MCTP2: variants seen among roughly 807,000 people sequenced by gnomAD.
The protein encoded by MCTP2 is multiple C2 and transmembrane domain-containing protein 2.
A neutral mutation model predicts 111.6 loss-of-function variants in MCTP2; 132 were observed. The ratio of observed to expected loss-of-function variants is 1.18; its 90% CI spans 1.03 to 1.37. The LOEUF is 1.37. Ranked by LOEUF, MCTP2 falls within the 40% of genes most tolerant of loss-of-function variation. The pLI is 0.00. For missense variants in MCTP2, 1,183 were observed against 1,067.9 expected (o/e 1.11, Z -1.50); for synonymous variants, 395 against 387.7 (o/e 1.02, Z -0.22).
intron 12 of MCTP2, among the ~76,000 whole-genome samples, chr15:94,382,030 T>A (rs1279063013): frequency 1.3e-5 from 2 of 152,252 alleles, no homozygotes; most frequent in Non-Finnish European, 2.9e-5. Flanking sequence ...AGCTACAAAG[T>A]CAGTATTCCC....
At chr15:94,388,865 C>G (rs913015460) in intron 14 of MCTP2, among the ~76,000 whole-genome samples, 55 of 152,262 alleles carry the variant, frequency 3.6e-4, no homozygotes, top group Admixed American at 3.3e-3. Flanking sequence ...GCCTGAGCTC[C>G]TAAGAGTTTG....
chr15:94,305,677 T>C (rs1384167484), intron 2 of MCTP2, among the ~76,000 whole-genome samples: 6 of 152,188 alleles, frequency 3.9e-5, no homozygotes, highest in African/African-American at 9.7e-5. Context: ...TTGATTCATA[T>C]TATCACTGCA....
chr15:94,314,384 G>A, intron 3 of MCTP2, 40 bp downstream of exon 3: 1 of 1,368,346 alleles, frequency 7.3e-7, no homozygotes, highest in Non-Finnish European at 1.0e-6. Context: ...AAATGTTGTA[G>A]ATATTTCTCA....
intron 17 of MCTP2, among the ~76,000 whole-genome samples, chr15:94,413,007 T>C (rs2082220697): frequency 1.3e-5 from 2 of 152,172 alleles, no homozygotes; most frequent in South Asian, 4.1e-4. Context: ...ATAATCTACA[T>C]GTTTTCAAAA....
intron 20 of MCTP2, among the ~76,000 whole-genome samples, chr15:94,466,360 G>A (rs1175172812): frequency 6.6e-6 from 1 of 152,046 alleles, no homozygotes; most frequent in Non-Finnish European, 1.5e-5. Flanking sequence ...GCATTTCCTT[G>A]GAGAGGATTA....
rs769814704 is a variant in MCTP2, at chr15:94,339,362, A to G, written c.710A>G (p.Asn237Ser). The G allele has an allele frequency of 6.2e-7, 1 of 1,612,626 alleles. No homozygotes were observed. Among genetic ancestry groups the G allele is most frequent in the Non-Finnish European group, 8.5e-7 (1 of 1,179,052 alleles). The change falls in exon 5 of 23, where the codon AAC (asparagine) becomes AGC (serine). Residue 237 changes from asparagine to serine, a missense_variant. Transcript: ENST00000357742. The part of the protein sequence containing the change: ...TLYKSKVIYK[N>S]LNPVWDEIVV... ...TACAAAAGTAAAGTCATATATAAGA[A>G]CTTGAACCCAGTATGGGATGAGATA...
chr15:94,483,561 G>C lies in MCTP2; in HGVS notation c.*4527G>C, dbSNP rs945060978. On this transcript the variant is annotated 3_prime_UTR_variant, in exon 23 of 23. Coordinates refer to ENST00000357742, the MANE Select transcript of MCTP2 (RefSeq NM_001385001.1). ...AGATCATGTCCTTTTGCAGGAACTT[G>C]GATACAGCTGGAGGCCATTATCCTT... The C allele has an allele frequency of 2.0e-5, 3 of 152,154 alleles. No homozygotes were observed. The highest frequency in any genetic ancestry group is 7.2e-5 in the African/African-American group (3 of 41,430). The allele number at this position is 152,154 out of a possible 1,614,324, so 9.4% of individuals were successfully genotyped here. A position where few individuals can be genotyped will look rare whatever the true frequency, so the allele number is the denominator to read the frequency against.
At chr15:94,259,106 C>G (rs896575833) in intron 1 of MCTP2, among the ~76,000 whole-genome samples, 1 of 152,174 alleles carries the variant, frequency 6.6e-6, no homozygotes, top group Non-Finnish European at 1.5e-5. Flanking sequence ...CTGGGCCATG[C>G]TCACTCAGTT....
chr15:94,367,531 C>T (rs1486125717), intron 10 of MCTP2, 74 bp from the exon 11 acceptor site: 1 of 1,171,648 alleles, frequency 8.5e-7, no homozygotes, highest in Non-Finnish European at 1.2e-6. Flanking sequence ...AAATCAAAGC[C>T]AGGTGCTTTG....
At chr15:94,300,525 G>A (rs1377065129) in intron 2 of MCTP2, among the ~76,000 whole-genome samples, 35 of 127,786 alleles carry the variant, frequency 2.7e-4, no homozygotes, top group African/African-American at 8.2e-4. Context: ...AAAAAAAAAA[G>A]AACTTTTATT....
chr15:94,317,897 A>C (rs1014320904), intron 4 of MCTP2, among the ~76,000 whole-genome samples: 3 of 151,908 alleles, frequency 2.0e-5, no homozygotes, highest in Non-Finnish European at 2.9e-5. Flanking sequence ...AATCAAAGTC[A>C]TAATTTCTTA....
intron 17 of MCTP2, among the ~76,000 whole-genome samples, chr15:94,416,273 G>C (rs986871193): frequency 6.6e-6 from 1 of 151,636 alleles, no homozygotes; most frequent in Non-Finnish European, 1.5e-5. Flanking sequence ...TTGTTTTAAA[G>C]AAATTCTTGT....
rs1313766085 is a variant in MCTP2, at chr15:94,473,646, G to T, written c.2471-3050G>T. ...TTGAAACCACTTCTGTTTTTTCAGG[G>T]TAGATATTAATTCTCTAAGCTAAAT... is the stretch of plus-strand genomic sequence containing the variant. On this transcript the variant is annotated intron_variant, in intron 21 of 22. Transcript: ENST00000357742. 3.9e-5 allele frequency among the ~76,000 whole-genome samples: 6 copies of T among 152,184 alleles called. No homozygotes were observed. The East Asian group carries it at 1.2e-3, about 29-fold the overall frequency.
chr15:94,261,807 A>T (rs1229853835), intron 1 of MCTP2, among the ~76,000 whole-genome samples: 2 of 152,200 alleles, frequency 1.3e-5, no homozygotes, highest in Non-Finnish European at 2.9e-5. Context: ...GTTTATGCTG[A>T]TTCAGAATGA....
chr15:94,249,516 C>A (rs371219346), intron 1 of MCTP2, among the ~76,000 whole-genome samples: 4 of 150,550 alleles, frequency 2.7e-5, no homozygotes, highest in East Asian at 3.9e-4. Flanking sequence ...GACGGAGTCT[C>A]ACTCTGTCAC....
At chr15:94,474,125 A>T (rs1034286631) in intron 21 of MCTP2, among the ~76,000 whole-genome samples, 2 of 152,084 alleles carry the variant, frequency 1.3e-5, no homozygotes, top group Non-Finnish European at 2.9e-5. Context: ...GCTAAAAGTA[A>T]TTTTACAACA....
In MCTP2 at chr15:94,275,398, G is replaced by A. The variant is rs115470915; in HGVS notation, c.-65-22803G>A. 6.7e-3 allele frequency among the ~76,000 whole-genome samples: 1,016 copies of A among 152,142 alleles called. 12 individuals are homozygous for A. The highest frequency in any genetic ancestry group is 0.021 in the African/African-American group (889 of 41,504). Reference sequence around the variant, plus strand: ...CAAAAATGTGTTAGAAGGAATAACAGAAATCATCAAGATCAGTATTTACAG... The same window carrying A: ...CAAAAATGTGTTAGAAGGAATAACAAAAATCATCAAGATCAGTATTTACAG... On this transcript the variant is annotated intron_variant, in intron 1 of 22. Coordinates refer to ENST00000357742, the MANE Select transcript of MCTP2 (RefSeq NM_001385001.1).
chr15:94,298,611 G>T lies in MCTP2; in HGVS notation c.346G>T (p.Val116Leu). Residue 116 changes from valine (V) to leucine (L), a missense_variant, in exon 2 of 23, where the codon GTG becomes TTG. Physicochemically the swap from Val to Leu is conservative, Grantham distance 32 (BLOSUM62 1). Transcript: ENST00000357742. ...SQEEASHLHV[V>L]ETDSEEAYAS... is the part of the protein sequence containing the mutation. ...GGAAGAAGCCAGTCACCTCCATGTG[G>T]TGGAAACAGACTCAGAGGAGGCCTA... The T allele has an allele frequency of 1.9e-6, 3 of 1,614,132 alleles. No homozygotes were observed. The highest frequency in any genetic ancestry group is 2.5e-6 in the Non-Finnish European group (3 of 1,180,002).
At chr15:94,435,663 G>C (rs1275711182) in intron 17 of MCTP2, among the ~76,000 whole-genome samples, 1 of 99,808 alleles carries the variant, frequency 1.0e-5, no homozygotes, top group African/African-American at 3.5e-5. Context: ...ACGGAGTCTC[G>C]CTCTGTCGCC....
Sources: allele counts gnomAD v4.1 joint callset (sites outside exome capture counted in the v4.1 genomes callset), GRCh38; gene constraint gnomAD v4.1.1; transcripts MANE v1.5; gene names NCBI Gene and HGNC (gene_info 2026-07-23, HGNC 2026-07-21).